ACCSL: variants seen among roughly 807,000 people sequenced by gnomAD.
The protein encoded by ACCSL is 1-aminocyclopropane-1-carboxylate synthase homolog (inactive) like.
A neutral mutation model predicts 61.7 loss-of-function variants in ACCSL; 55 were observed. The observed-to-expected ratio is 0.89, with a 90% CI of 0.72 to 1.12. The LOEUF is 1.12. Ranked by LOEUF, ACCSL falls within the 50% of genes most tolerant of loss-of-function variation. The pLI is 0.00. For synonymous variants in ACCSL, 258 were observed against 264.3 expected, an observed-to-expected ratio of 0.98 and a Z score of 0.23; for missense variants, 632 against 698.0, an observed-to-expected ratio of 0.91 and a Z score of 1.07.
At chr11:43,943,868 A>G in the ACCSL span, 20 of 1,255,492 alleles carry the variant, frequency 1.6e-5, 1 homozygote, top group South Asian at 1.8e-4. The surrounding 1 kb of genome is among the most constrained non-coding windows in gnomAD (Gnocchi z 4.8). Context: ...TAAAGTCAAT[A>G]TATTTGCACA....
At chr11:44,007,191 T>G in the ACCSL span, among the ~76,000 whole-genome samples, 1 of 152,214 alleles carries the variant, frequency 6.6e-6, no homozygotes, top group Non-Finnish European at 1.5e-5. Context: ...CTCTGGTTTT[T>G]GCCAGATCTG....
At chr11:43,931,013 ATCTAGAAGGT>A in the ACCSL span, among the ~76,000 whole-genome samples, 32 of 152,362 alleles carry the variant, frequency 2.1e-4, no homozygotes, top group Non-Finnish European at 4.1e-4. Flanking sequence ...GACCCAGCTC[ATCTAGAAGGT>A]TCCTTCCTGC....
chr11:43,922,724 C>T, the ACCSL span, among the ~76,000 whole-genome samples: 2 of 152,162 alleles, frequency 1.3e-5, no homozygotes, highest in East Asian at 1.9e-4. Flanking sequence ...AAGTTTTCCC[C>T]GGTGGTCCTT....
chr11:43,971,438 C>G, the ACCSL span: 1 of 152,112 alleles, frequency 6.6e-6, no homozygotes, highest in Non-Finnish European at 1.5e-5. Context: ...TTCCTTATTT[C>G]ACAGAAGAGG....
At chr11:44,004,302 C>T in the ACCSL span, among the ~76,000 whole-genome samples, 3 of 151,980 alleles carry the variant, frequency 2.0e-5, no homozygotes, top group Admixed American at 1.3e-4. Flanking sequence ...GGACACAGAG[C>T]GGGTTTTCTG....
At chr11:43,932,886 T>G in the ACCSL span, among the ~76,000 whole-genome samples, 10 of 152,220 alleles carry the variant, frequency 6.6e-5, no homozygotes, top group East Asian at 5.8e-4. Context: ...ACCCCCTTTG[T>G]CACCTCAGCT....
chr11:43,969,453 T>G, the ACCSL span, among the ~76,000 whole-genome samples: 1 of 152,276 alleles, frequency 6.6e-6, no homozygotes, highest in African/African-American at 2.4e-5. Flanking sequence ...ATCTCAAAAA[T>G]TTTTTACGAA....
the ACCSL span, among the ~76,000 whole-genome samples, chr11:43,983,364 C>T: frequency 1.4e-4 from 22 of 152,332 alleles, no homozygotes; most frequent in Non-Finnish European, 2.6e-4. Flanking sequence ...TTTCTGTACT[C>T]ATCCGGAAAT....
the ACCSL span, among the ~76,000 whole-genome samples, chr11:44,014,412 G>A: frequency 6.6e-6 from 1 of 151,980 alleles, no homozygotes; most frequent in Non-Finnish European, 1.5e-5. Context: ...GTGGGCCATA[G>A]GCTGCCTGAG....
At chr11:43,935,101 T>C in the ACCSL span, among the ~76,000 whole-genome samples, 1 of 152,132 alleles carries the variant, frequency 6.6e-6, no homozygotes, top group Non-Finnish European at 1.5e-5. Context: ...CTCCTGTGAA[T>C]GGGTCCCCTC....
intron 3 of ACCSL, 59 bp from the exon 4 acceptor site, chr11:44,051,276 A>G: frequency 6.4e-7 from 1 of 1,561,890 alleles, no homozygotes; most frequent in South Asian, 1.1e-5. Context: ...ATGACCATCT[A>G]GACCATGAGT....
In ACCSL at chr11:44,048,008, C is replaced by T; in HGVS notation, c.-29C>T. On this transcript the variant is annotated 5_prime_UTR_variant, in exon 1 of 14. Transcript: ENST00000378832. The stretch of plus-strand genomic sequence containing the variant: ...TCTTTCTCCATAGGTGCCAGGCAGC[C>T]TTCAGAGGCCAGTAAAGATACCCGG... 1 of 1,591,674 alleles carries T rather than the reference C, an allele frequency of 6.3e-7. No individual in the cohort carries two copies. The highest frequency in any genetic ancestry group is 8.6e-7 in the Non-Finnish European group (1 of 1,164,300).
chr11:44,023,041 CTT>C, the ACCSL span, among the ~76,000 whole-genome samples: 304 of 86,404 alleles, frequency 3.5e-3, no homozygotes, highest in African/African-American at 0.011. Context: ...TCTTCTTCTT[CTT>C]TTTTTTTTTT....
At chr11:43,952,702 C>T in the ACCSL span, among the ~76,000 whole-genome samples, 1 of 152,334 alleles carries the variant, frequency 6.6e-6, no homozygotes, top group African/African-American at 2.4e-5. Context: ...ACTCAGCTCA[C>T]TTTTTGGAGG....
Position 44,048,417 on chromosome 11 carries a change from A to G in ACCSL, c.381A>G (p.Glu127=), listed in dbSNP as rs1216412802. ...PDPVPQLSDC[E]AAFVNRDLSI... is the part of the protein sequence containing the mutation. ...CAGTTCCCCAACTGAGTGATTGTGA[A>G]GCTGCCTTTGTCAACCGCGACCTAT... is the stretch of plus-strand genomic sequence containing the variant. The change falls in exon 1 of 14, where the codon GAA becomes GAG. Residue 127 remains glutamate (E), a synonymous_variant. Coordinates refer to ENST00000378832, the MANE Select transcript of ACCSL (RefSeq NM_001031854.2). 2 of 1,613,992 alleles carry G rather than the reference A, an allele frequency of 1.2e-6. No individual in the cohort carries two copies. The highest frequency in any genetic ancestry group is 1.7e-6 in the Non-Finnish European group (2 of 1,180,042).
intron 5 of ACCSL, 125 bp from the exon 6 acceptor site, chr11:44,052,537 C>A: frequency 1.3e-6 from 1 of 761,728 alleles, no homozygotes; most frequent in Non-Finnish European, 2.3e-6. Flanking sequence ...AACATTAATC[C>A]CCAGGTAGAA....
At chr11:43,961,577 C>G in the ACCSL span, among the ~76,000 whole-genome samples, 1 of 152,174 alleles carries the variant, frequency 6.6e-6, no homozygotes, top group Admixed American at 6.5e-5. Flanking sequence ...TGCTACCATG[C>G]TAATGGGGAC....
At chr11:43,961,671 G>A in the ACCSL span, among the ~76,000 whole-genome samples, 1 of 151,684 alleles carries the variant, frequency 6.6e-6, no homozygotes, top group Admixed American at 6.6e-5. Flanking sequence ...GAGAAAGAAG[G>A]AAACTTCTTT....
At chr11:44,019,171 T>C in the ACCSL span, among the ~76,000 whole-genome samples, 1 of 152,260 alleles carries the variant, frequency 6.6e-6, no homozygotes, top group Non-Finnish European at 1.5e-5. Context: ...CTTTGTTTAA[T>C]CATCCATCAG....
Sources: allele counts gnomAD v4.1 joint callset (sites outside exome capture counted in the v4.1 genomes callset), GRCh38; gene constraint gnomAD v4.1.1; non-coding constraint Gnocchi (gnomAD v3.1); transcripts MANE v1.5; gene names NCBI Gene and HGNC (gene_info 2026-07-23, HGNC 2026-07-21).